The following PDGFA variants were observed in gnomAD, a reference collection of about 807,000 sequenced individuals.
PDGFA encodes platelet derived growth factor subunit A, also known as platelet-derived growth factor subunit A.
A neutral mutation model predicts 25.6 loss-of-function variants in PDGFA; 9 were observed. The observed-to-expected ratio is 0.35, with a 90% CI of 0.21 to 0.61. The LOEUF (loss-of-function observed/expected upper bound fraction) is 0.61. Among genes scored for constraint, PDGFA ranks in the 20% least tolerant of loss-of-function variants. The pLI is 0.75. For missense variants in PDGFA, 242 were observed against 272.8 expected (o/e 0.89, Z 0.79); for synonymous variants, 133 against 111.8 (o/e 1.19, Z -1.20).
At chr7:510,082 GC>G (rs1366730551) in intron 4 of PDGFA, among the ~76,000 whole-genome samples, 1 of 152,148 alleles carries the variant, frequency 6.6e-6, no homozygotes, top group African/African-American at 2.4e-5. Context: ...CCACTGAAGA[GC>G]CCGCACAGGA....
Position 512,351 on chromosome 7 carries a change from C to A in PDGFA, c.265G>T (p.Glu89Ter). ...GCCCATCGCGGCCTCCTGGACTCAC[C>A]GATGCTTCTCTTCCTCCGAATGGGC... The change falls in exon 3 of 6, where the codon GAG becomes TAG. Residue 89 changes from glutamate (E) to a stop codon, truncating the protein, a stop_gained and splice_region_variant. Coordinates refer to ENST00000402802, the Ensembl canonical transcript of PDGFA. LOFTEE classifies it high-confidence loss of function. 1 of 1,612,224 alleles carries A rather than the reference C, an allele frequency of 6.2e-7. No individual in the cohort carries two copies. Among genetic ancestry groups the A allele is most frequent in the Non-Finnish European group, 8.5e-7 (1 of 1,179,314 alleles).
At chr7:502,334 T>C (rs1299241377) in intron 4 of PDGFA, among the ~76,000 whole-genome samples, 1 of 147,864 alleles carries the variant, frequency 6.8e-6, no homozygotes, top group African/African-American at 2.5e-5. Context: ...TCCCAGCTGC[T>C]GGCCTGATGA....
intron 2 of PDGFA, among the ~76,000 whole-genome samples, chr7:515,410 C>T (rs970935772): frequency 2.6e-5 from 4 of 152,168 alleles, no homozygotes; most frequent in Non-Finnish European, 4.4e-5. Context: ...AAAGACACCC[C>T]CTACAAGCTG....
intron 1 of PDGFA, 57 bp downstream of exon 1, chr7:518,882 C>T: frequency 2.5e-6 from 3 of 1,217,066 alleles, no homozygotes; most frequent in Non-Finnish European, 2.3e-6. Context: ...CCCCAGCCGG[C>T]GGGGGGTGTG....
At position 504,930 on chromosome 7, in the gene PDGFA, C is replaced by T. The variant is rs938131214; in HGVS notation, c.454-3688G>A. Among the ~76,000 whole-genome samples, 5 of 152,358 alleles carry T rather than the reference C, an allele frequency of 3.3e-5. No individual in the cohort carries two copies. The South Asian group carries it at 8.3e-4, about 25-fold the overall frequency. On this transcript the variant is annotated intron_variant, in intron 4 of 5. Transcript: ENST00000402802. ...CCAGGACACAACAGAAATGCCACCC[C>T]TCTGGGCACCGTGCGAAAGGCACAT...
chr7:512,100 C>G (rs1237401311), intron 3 of PDGFA, among the ~76,000 whole-genome samples: 1 of 152,204 alleles, frequency 6.6e-6, no homozygotes, highest in Non-Finnish European at 1.5e-5. Flanking sequence ...TGGCCCAGAC[C>G]AGGACTCCAG....
chr7:500,188 G>A lies in PDGFA; in HGVS notation c.580+928C>T, dbSNP rs1052354032. ...CAATGCTCCTGCATCCCCAATCAAC[G>A]ACAAAGAGAAGGACAAAGCTGGAGG... On this transcript the variant is annotated intron_variant, in intron 5 of 5. Transcript: ENST00000402802. The surrounding 1 kb of genome is among the most constrained non-coding windows in gnomAD (Gnocchi z 5.0). Among the ~76,000 whole-genome samples the A allele has an allele frequency of 6.6e-6, 1 of 152,160 alleles. No individual in the cohort carries two copies.
intron 2 of PDGFA, among the ~76,000 whole-genome samples, chr7:513,776 G>C (rs542953227): frequency 5.3e-5 from 8 of 152,226 alleles, no homozygotes; most frequent in African/African-American, 1.9e-4. Context: ...CCGCACCCCC[G>C]AGGAGCCTGC....
At chr7:501,127 T>C in exon 5 of PDGFA, 1 of 1,614,206 alleles carries the variant, frequency 6.2e-7, no homozygotes, top group Non-Finnish European at 8.5e-7. Flanking sequence ...CGTGTCCTCT[T>C]CCCGATAATC....
chr7:510,318 C>A (rs1309827731), intron 4 of PDGFA, among the ~76,000 whole-genome samples: 2 of 151,978 alleles, frequency 1.3e-5, no homozygotes, highest in East Asian at 3.9e-4. Context: ...GGGAGCGCAG[C>A]CGTGCACCCC....
In PDGFA at chr7:512,936, G is replaced by A. The variant is rs1255162736; in HGVS notation, c.161-481C>T. The A allele has an allele frequency of 2.1e-5, 5 of 243,254 alleles. No individual in the cohort carries two copies. The Admixed American group carries it at 2.4e-4, about 12-fold the overall frequency. The allele number at this position is 243,254 out of a possible 1,614,324, so 15.1% of individuals were successfully genotyped here. On this transcript the variant is annotated intron_variant, in intron 2 of 5. Transcript: ENST00000402802. ...GCAGAGGCCGCTGAGATTTCTGCAG[G>A]TGCCTGTACGTCTCCCTCCCTCCCC...
rs765366632 is a variant in PDGFA, at chr7:512,474, C to T, written c.161-19G>A. 1.9e-6 allele frequency: 3 copies of T among 1,613,374 alleles called. No homozygotes were observed. The South Asian group carries it at 3.3e-5, about 18-fold the overall frequency. The stretch of plus-strand genomic sequence containing the variant: ...TCACTCCCTGCAGGCGGAAGGAGAA[C>T]ACCGTGAATGCCCCAGGCCCGTGCG... On this transcript the variant is annotated intron_variant, in intron 2 of 5. Transcript: ENST00000402802.
At chr7:515,877 G>A (rs908434681) in intron 2 of PDGFA, among the ~76,000 whole-genome samples, 1 of 152,106 alleles carries the variant, frequency 6.6e-6, no homozygotes, top group Non-Finnish European at 1.5e-5. Context: ...TGGAGGAGGC[G>A]GGGCGCCAAG....
chr7:498,248 C>A, exon 6 of PDGFA: 1 of 419,248 alleles, frequency 2.4e-6, no homozygotes, highest in East Asian at 4.4e-5. Flanking sequence ...GGCGACCCTC[C>A]ATCTCATCGA....
intron 5 of PDGFA, among the ~76,000 whole-genome samples, chr7:499,766 G>A (rs1782249815): frequency 9.1e-6 from 1 of 109,416 alleles, no homozygotes; most frequent in African/African-American, 3.9e-5. Flanking sequence ...GAGCACAGAT[G>A]TGGTTTCTGG....
At chr7:520,453 G>T (rs1783323153), upstream of PDGFA, 1 of 154,980 alleles carries the variant, frequency 6.5e-6, no homozygotes, top group African/African-American at 2.4e-5. Flanking sequence ...TCTGAATGAG[G>T]ACCCTCCACC....
At position 506,037 on chromosome 7, in the gene PDGFA, G is replaced by A. The variant is rs142668873; in HGVS notation, c.453+4772C>T. Among the ~76,000 whole-genome samples the A allele has an allele frequency of 7.2e-5, 11 of 152,182 alleles. No individual in the cohort carries two copies. The East Asian group carries it at 1.9e-3, about 27-fold the overall frequency. ...AAAAAAATACAAAAAATAGCCAGGCGTGGTGGTGAGTGTCTGTAATCCCAG... is the reference window on the plus strand; with the variant it reads ...AAAAAAATACAAAAAATAGCCAGGCATGGTGGTGAGTGTCTGTAATCCCAG... On this transcript the variant is annotated intron_variant, in intron 4 of 5. Coordinates refer to ENST00000402802, the Ensembl canonical transcript of PDGFA.
At chr7:503,148 G>C (rs1329449288) in intron 4 of PDGFA, among the ~76,000 whole-genome samples, 6 of 152,142 alleles carry the variant, frequency 3.9e-5, no homozygotes, top group Admixed American at 2.0e-4. Context: ...TGAGGCGCAG[G>C]CAAGCTCTAA....
At chr7:515,378 G>A (rs886899480) in intron 2 of PDGFA, among the ~76,000 whole-genome samples, 2 of 152,114 alleles carry the variant, frequency 1.3e-5, no homozygotes, top group African/African-American at 4.8e-5. Context: ...CCCTCCCTAC[G>A]ACAGAGAACG....
Sources: gnomAD v4.1 joint callset for allele counts (sites outside exome capture counted in the v4.1 genomes callset) on GRCh38, gnomAD v4.1.1 for gene constraint, Gnocchi (gnomAD v3.1) non-coding constraint, MANE v1.5 for transcripts, NCBI Gene and HGNC (gene_info 2026-07-23, HGNC 2026-07-21) for gene names.